Variants in ZNF823 observed in about 807,000 individuals in gnomAD.
ZNF823 encodes zinc finger protein 823.
In ZNF823, 5 loss-of-function variants were observed where a neutral mutation model predicts 11.4. That is an observed-to-expected ratio of 0.44 (90% CI 0.23 to 0.92). The LOEUF (loss-of-function observed/expected upper bound fraction) is 0.92, where lower values mean the gene tolerates loss of function less well. ZNF823 is among the 40% of genes least tolerant of loss of function. ZNF823 has a pLI of 0.24. For missense variants in ZNF823, 582 were observed against 738.5 expected (o/e 0.79, Z 2.46); for synonymous variants, 234 against 250.5 (o/e 0.93, Z 0.62).
chr19:11,728,497 A>G (rs947040789), intron 1 of ZNF823, among the ~76,000 whole-genome samples: 5 of 152,238 alleles, frequency 3.3e-5, no homozygotes, highest in Admixed American at 3.3e-4. Context: ...GGGCAAATGA[A>G]TAACAGTGTG....
At position 11,721,763 on chromosome 19, in the gene ZNF823, C is replaced by G; in HGVS notation, c.1771G>C (p.Ala591Pro). 6.2e-7 allele frequency: 1 copy of G among 1,614,138 alleles called. No individual in the cohort carries two copies. ...KLYECKECGK[A>P]LSSLRSLHRH... ...TGCAAGGAACGGAGAGAACTCAATG[C>G]TTTCCCACATTCCTTACATTCATAC... is the stretch of plus-strand genomic sequence containing the variant. Residue 591 changes from alanine to proline, a missense_variant, in exon 4 of 4, where the codon GCA becomes CCA. Around this residue, in one of 3 missense-constraint regions of ZNF823, gnomAD observed 144 missense variants for 154.3 expected, o/e 0.93. Transcript: ENST00000341191.
chr19:11,722,375 G>A lies in ZNF823; in HGVS notation c.1159C>T (p.Pro387Ser), dbSNP rs1161633682. The part of the protein sequence containing the change: ...SHMITHTGDG[P>S]QKCKICGKAF... ...TTCCCACATATCTTGCATTTCTGGG[G>A]TCCATCTCCTGTGTGTGTTATCATG... Residue 387 changes from proline (P) to serine (S), a missense_variant, in exon 4 of 4, where the codon CCC (proline) becomes TCC (serine). Physicochemically the swap from Pro to Ser is moderately conservative, Grantham distance 74. This residue lies in a region of ZNF823 where 429 missense variants were observed against 553.7 expected (regional missense o/e 0.77). Transcript: ENST00000341191. The surrounding 1 kb of genome is among the most constrained non-coding windows in gnomAD (Gnocchi z 5.2). 6.2e-7 allele frequency: 1 copy of A among 1,613,974 alleles called. No homozygotes were observed. The highest frequency in any genetic ancestry group is 1.7e-5 in the Admixed American group (1 of 59,996).
chr19:11,725,022 C>A (rs569495064), intron 2 of ZNF823, among the ~76,000 whole-genome samples, 179 bp downstream of exon 2: 1 of 152,070 alleles, frequency 6.6e-6, no homozygotes, highest in African/African-American at 2.4e-5. Flanking sequence ...GGTTAAGTTG[C>A]GGGGGACAAA....
At position 11,722,805 on chromosome 19, in the gene ZNF823, C is replaced by G; in HGVS notation, c.729G>C (p.Thr243=). The G allele has an allele frequency of 6.2e-7, 1 of 1,613,844 alleles. No individual in the cohort carries two copies. The highest frequency in any genetic ancestry group is 2.2e-5 in the East Asian group (1 of 44,842). ...SSYLRHERIH[T]GEKAYECKQC... is the part of the protein sequence containing the mutation. ...GCTTACATTCATACGCTTTCTCTCCCGTGTGGATTCTTTCATGTCTTAGAT... is the reference window on the plus strand; with the variant it reads ...GCTTACATTCATACGCTTTCTCTCCGGTGTGGATTCTTTCATGTCTTAGAT... Residue 243 remains threonine, a synonymous_variant, in exon 4 of 4, where the codon ACG becomes ACC. Transcript: ENST00000341191. The surrounding 1 kb of genome is among the most constrained non-coding windows in gnomAD (Gnocchi z 5.2).
In ZNF823 at chr19:11,722,114, TAC is replaced by T; in HGVS notation, c.1418_1419del (p.Cys473Ter). On this transcript the variant is annotated frameshift_variant, in exon 4 of 4. Transcript: ENST00000341191. LOFTEE classifies it low-confidence loss of function (END_TRUNC). The surrounding 1 kb of genome is among the most constrained non-coding windows in gnomAD (Gnocchi z 5.2). ...TTHTGEKPYE[C>X]KECGKAFSCF... ...CAACTGAATGCTTTCCCACATTCCT[TAC>T]ACTCATATGGCTTCTCTCCAGTGTG... 6.2e-7 allele frequency: 1 copy of T among 1,613,796 alleles called. No individual in the cohort carries two copies. The highest frequency in any genetic ancestry group is 8.5e-7 in the Non-Finnish European group (1 of 1,179,934).
Position 11,723,026 on chromosome 19 carries a change from C to A in ZNF823, c.508G>T (p.Ala170Ser). ...TTTCCAAGAGAACTAAAGGTTTTTG[C>A]ACATTCTTTACAATCGAAGGGTTTC... ...GKKPFDCKEC[A>S]KTFSSLGNLR... The change falls in exon 4 of 4, where the codon GCA becomes TCA. Residue 170 changes from alanine (A) to serine (S), a missense_variant. By Grantham distance (99) the Ala-to-Ser change is moderately conservative. Transcript: ENST00000341191. 1 of 1,614,200 alleles carries A rather than the reference C, an allele frequency of 6.2e-7. No individual in the cohort carries two copies. Among genetic ancestry groups the A allele is most frequent in the Non-Finnish European group, 8.5e-7 (1 of 1,180,042 alleles).
chr19:11,724,154 C>T (rs1974746855), intron 3 of ZNF823, 40 bp downstream of exon 3: 2 of 1,512,416 alleles, frequency 1.3e-6, no homozygotes, highest in African/African-American at 1.4e-5. Flanking sequence ...TTCTATGAAC[C>T]ACTGCAGGGA....
Position 11,721,906 on chromosome 19 carries a change from A to G in ZNF823, c.1628T>C (p.Leu543Pro). Reference sequence around the variant, plus strand: ...TCCAGTGTGAATTCTTTCATGTCGTAGAAGGCAAGTGAGCCAAGAGAATGC... The same window carrying G: ...TCCAGTGTGAATTCTTTCATGTCGTGGAAGGCAAGTGAGCCAAGAGAATGC... Reference protein sequence around the residue: ...GKAFSWLTCLLRHERIHTGEK... With the variant: ...GKAFSWLTCLPRHERIHTGEK... The change falls in exon 4 of 4, where the codon CTA becomes CCA. Residue 543 changes from leucine (L) to proline (P), a missense_variant. By Grantham distance (98) the Leu-to-Pro change is moderately conservative. This residue lies in a region of ZNF823 where 144 missense variants were observed against 154.3 expected (regional missense o/e 0.93). Transcript: ENST00000341191. 6.2e-7 allele frequency: 1 copy of G among 1,613,002 alleles called. No individual in the cohort carries two copies. Among genetic ancestry groups the G allele is most frequent in the Non-Finnish European group, 8.5e-7 (1 of 1,179,684 alleles).
rs199995404 is a variant in ZNF823, at chr19:11,723,041, C to T, written c.493G>A (p.Asp165Asn). ...AAGGTTTTTGCACATTCTTTACAAT[C>T]GAAGGGTTTCTTTCCGGTGGGGGGC... ...ERPPTGKKPF[D>N]CKECAKTFSS... Residue 165 changes from aspartate to asparagine, a missense_variant, in exon 4 of 4, where the codon GAT (aspartate) becomes AAT (asparagine). This residue lies in a region of ZNF823 where 429 missense variants were observed against 553.7 expected (regional missense o/e 0.77). Transcript: ENST00000341191. 5.0e-6 allele frequency: 8 copies of T among 1,614,038 alleles called. No individual in the cohort carries two copies. The highest frequency in any genetic ancestry group is 3.3e-5 in the Admixed American group (2 of 59,996).
At chr19:11,727,604 T>C (rs1053700019) in intron 1 of ZNF823, among the ~76,000 whole-genome samples, 1 of 151,988 alleles carries the variant, frequency 6.6e-6, no homozygotes, top group Non-Finnish European at 1.5e-5. Flanking sequence ...CAAAAACAGA[T>C]AAAGGATTTT....
rs1449958876 is a variant in ZNF823, at chr19:11,723,260, T to G, written c.274A>C (p.Thr92Pro). 6.2e-7 allele frequency: 1 copy of G among 1,613,930 alleles called. No homozygotes were observed. Among genetic ancestry groups the G allele is most frequent in the Non-Finnish European group, 8.5e-7 (1 of 1,179,872 alleles). Residue 92 changes from threonine (T) to proline (P), a missense_variant, in exon 4 of 4, where the codon ACT becomes CCT. Physicochemically the swap from Thr to Pro is conservative, Grantham distance 38. Coordinates refer to ENST00000341191, the MANE Select transcript of ZNF823 (RefSeq NM_001080493.4). Reference sequence around the variant, plus strand: ...CTGTCACATGGATTTACTCGAGGAGTGTTCTTGTTCACAATACTATCTGGA... The same window carrying G: ...CTGTCACATGGATTTACTCGAGGAGGGTTCTTGTTCACAATACTATCTGGA... Reference protein sequence around the residue: ...QIPDSIVNKNTPRVNPCDSGE... With the variant: ...QIPDSIVNKNPPRVNPCDSGE...
intron 1 of ZNF823, chr19:11,730,334 A>G (rs894342300): frequency 2.0e-5 from 3 of 152,200 alleles, no homozygotes; most frequent in African/African-American, 4.8e-5. Context: ...TGTCATCCCA[A>G]TACTCTGGGA....
At position 11,738,767 on chromosome 19, in the gene ZNF823, T is replaced by C. The variant is rs375752539; in HGVS notation, c.3+50A>G. 5 of 1,590,688 alleles carry C rather than the reference T, an allele frequency of 3.1e-6. No individual in the cohort carries two copies. In the African/African-American group the frequency reaches 5.4e-5, roughly 17 times the overall value. ...TCCCCTCACGGTCGGTTCCGGCCGG[T>C]TCCAACCTGCCCCTTCTTTGCCTCG... On this transcript the variant is annotated intron_variant, in intron 1 of 3. Transcript: ENST00000341191.
chr19:11,733,193 C>T (rs1364134552), intron 1 of ZNF823, among the ~76,000 whole-genome samples: 1 of 151,352 alleles, frequency 6.6e-6, no homozygotes, highest in Non-Finnish European at 1.5e-5. Flanking sequence ...ATGGTGAAAC[C>T]CCGTCTCTAA....
chr19:11,722,356 C>T lies in ZNF823; in HGVS notation c.1178G>A (p.Cys393Tyr). ...TGDGPQKCKI[C>Y]GKAFGCPSLF... Reference sequence around the variant, plus strand: ...ACTGGGACAACCAAAGGCTTTCCCACATATCTTGCATTTCTGGGGTCCATC... The same window carrying T: ...ACTGGGACAACCAAAGGCTTTCCCATATATCTTGCATTTCTGGGGTCCATC... The change falls in exon 4 of 4, where the codon TGT becomes TAT. Residue 393 changes from cysteine (C) to tyrosine (Y), a missense_variant. Cys to Tyr is a radical substitution (Grantham distance 194). This residue lies in a region of ZNF823 where 429 missense variants were observed against 553.7 expected (regional missense o/e 0.77). Transcript: ENST00000341191. The surrounding 1 kb of genome is among the most constrained non-coding windows in gnomAD (Gnocchi z 5.2). The T allele has an allele frequency of 6.2e-7, 1 of 1,614,118 alleles. No individual in the cohort carries two copies. Among genetic ancestry groups the T allele is most frequent in the Non-Finnish European group, 8.5e-7 (1 of 1,180,028 alleles).
chr19:11,726,287 C>CATATACATATATATATATACATATATAT (rs1555766612), intron 1 of ZNF823, among the ~76,000 whole-genome samples: 1 of 112,244 alleles, frequency 8.9e-6, no homozygotes, highest in African/African-American at 2.8e-5. Flanking sequence ...ATAAAAAATA[C>CATATACATATATATATATACATATATAT]ATATATATAT....
Position 11,722,983 on chromosome 19 carries a change from G to A in ZNF823, c.551C>T (p.Ala184Val), listed in dbSNP as rs781041949. The stretch of plus-strand genomic sequence containing the variant: ...ATAAGGTCCATCTCCATGGTGTGCC[G>A]CCATGTGTCTTCGGAGGTTTCCAAG... ...SSLGNLRRHM[A>V]AHHGDGPYKC... The change falls in exon 4 of 4, where the codon GCG becomes GTG. Residue 184 changes from alanine to valine, a missense_variant. Physicochemically the swap from Ala to Val is moderately conservative, Grantham distance 64. Coordinates refer to ENST00000341191, the MANE Select transcript of ZNF823 (RefSeq NM_001080493.4). This position sits in a 1 kb window ranked among gnomAD's most constrained non-coding sequence, Gnocchi z 5.2. 46 of 1,614,046 alleles carry A rather than the reference G, an allele frequency of 2.8e-5. No individual in the cohort carries two copies. Among genetic ancestry groups the A allele is most frequent in the Admixed American group, 5.0e-5 (3 of 60,000 alleles).
chr19:11,725,303 C>T lies in ZNF823; in HGVS notation c.28G>A (p.Ala10Thr). MDSVAFEDVAVNFTQEEWAL... is the reference protein window; with the variant it reads MDSVAFEDVTVNFTQEEWAL... Reference sequence around the variant, plus strand: ...CACTCCTCTTGTGTGAAGTTCACAGCCACATCTTCAAAGGCCACTGAGTCC... The same window carrying T: ...CACTCCTCTTGTGTGAAGTTCACAGTCACATCTTCAAAGGCCACTGAGTCC... The change falls in exon 2 of 4, where the codon GCT becomes ACT. Residue 10 changes from alanine to threonine, a missense_variant. Ala to Thr is a moderately conservative substitution (Grantham distance 58). Around this residue, in one of 3 missense-constraint regions of ZNF823, gnomAD observed 429 missense variants for 553.7 expected, o/e 0.77. Transcript: ENST00000341191. The T allele has an allele frequency of 1.9e-6, 3 of 1,614,014 alleles. No individual in the cohort carries two copies. The highest frequency in any genetic ancestry group is 2.5e-6 in the Non-Finnish European group (3 of 1,179,928).
intron 3 of ZNF823, 47 bp downstream of exon 3, chr19:11,724,147 T>C (rs1156478501): frequency 2.0e-6 from 3 of 1,480,360 alleles, no homozygotes; most frequent in Admixed American, 4.5e-5. Context: ...CTTATCATTC[T>C]ATGAACCACT....
Sources: gnomAD v4.1 joint callset for allele counts (sites outside exome capture counted in the v4.1 genomes callset) on GRCh38, gnomAD v4.1.1 for gene constraint, gnomAD v4.1.1 regional missense constraint, Gnocchi (gnomAD v3.1) non-coding constraint, MANE v1.5 for transcripts, NCBI Gene and HGNC (gene_info 2026-07-23, HGNC 2026-07-21) for gene names.